The following IGFBP7 variants were observed in gnomAD, a reference collection of about 807,000 sequenced individuals.
The protein encoded by IGFBP7 is insulin like growth factor binding protein 7.
IGFBP7 carries 31 observed loss-of-function variants against 29.4 expected under a neutral mutation model. The ratio of observed to expected loss-of-function variants is 1.05; its 90% CI spans 0.79 to 1.42. The LOEUF (loss-of-function observed/expected upper bound fraction) is 1.42. Ranked by LOEUF, IGFBP7 falls within the 40% of genes most tolerant of loss-of-function variation. The probability of loss-of-function intolerance (pLI) is 0.00; values close to 1 mark genes in which losing one functional copy is unlikely to be tolerated. For synonymous variants in IGFBP7, 172 were observed against 174.9 expected (o/e 0.98, Z 0.13); for missense variants, 393 against 395.5 (o/e 0.99, Z 0.05).
At position 57,032,513 on chromosome 4, in the gene IGFBP7, A is replaced by G; in HGVS notation, c.742T>C (p.Cys248Arg). Residue 248 changes from cysteine (C) to arginine (R), a missense_variant, in exon 4 of 5, where the codon TGC (cysteine) becomes CGC (arginine). Cys to Arg is a radical substitution (Grantham distance 180). Coordinates refer to ENST00000295666, the MANE Select transcript of IGFBP7 (RefSeq NM_001553.3). ...TGTCCTTGGGAATTGGATGCATGGC[A>G]CTCATATTCTCCAGCATCTTCCTTA... The part of the protein sequence containing the change: ...LSKEDAGEYE[C>R]HASNSQGQAS... 6.2e-7 allele frequency: 1 copy of G among 1,613,986 alleles called. No homozygotes were observed. Among genetic ancestry groups the G allele is most frequent in the Non-Finnish European group, 8.5e-7 (1 of 1,179,916 alleles).
chr4:57,061,167 C>A (rs116327463), intron 1 of IGFBP7, among the ~76,000 whole-genome samples: 1 of 152,034 alleles, frequency 6.6e-6, no homozygotes. Flanking sequence ...AACTGTGTGT[C>A]GTTTGCAGGA....
At chr4:57,100,629 T>G (rs531389358) in intron 1 of IGFBP7, among the ~76,000 whole-genome samples, 1 of 152,312 alleles carries the variant, frequency 6.6e-6, no homozygotes, top group East Asian at 1.9e-4. Context: ...TATAACCCCC[T>G]TGCTCATTCA....
chr4:57,055,049 G>A (rs575707113), intron 1 of IGFBP7, among the ~76,000 whole-genome samples: 8 of 152,332 alleles, frequency 5.3e-5, no homozygotes, highest in African/African-American at 1.9e-4. Context: ...GTGCAGTATA[G>A]GGTGACCCTC....
At chr4:57,064,655 C>T (rs1374564817) in intron 1 of IGFBP7, among the ~76,000 whole-genome samples, 6 of 152,128 alleles carry the variant, frequency 3.9e-5, no homozygotes, top group Admixed American at 3.3e-4. Context: ...AAATCCTTCC[C>T]TACTAATATT....
intron 1 of IGFBP7, among the ~76,000 whole-genome samples, chr4:57,062,589 A>G (rs926390005): frequency 1.3e-5 from 2 of 152,166 alleles, no homozygotes. Context: ...AGTCCTACCC[A>G]TATCTTAGAA....
intron 1 of IGFBP7, among the ~76,000 whole-genome samples, chr4:57,067,787 C>G (rs930833179): frequency 2.0e-5 from 3 of 151,748 alleles, no homozygotes; most frequent in African/African-American, 7.3e-5. Flanking sequence ...CAGGACTTCT[C>G]CAATAGACCA....
At chr4:57,082,465 C>T (rs1725391759) in intron 1 of IGFBP7, among the ~76,000 whole-genome samples, 1 of 152,054 alleles carries the variant, frequency 6.6e-6, no homozygotes, top group South Asian at 2.1e-4. Context: ...AATATCACCC[C>T]AGAATCATTC....
At chr4:57,077,437 C>G (rs1175447284) in intron 1 of IGFBP7, among the ~76,000 whole-genome samples, 1 of 152,086 alleles carries the variant, frequency 6.6e-6, no homozygotes, top group Non-Finnish European at 1.5e-5. Flanking sequence ...GCCACCATAC[C>G]CGGCTAATTT....
At chr4:57,100,906 T>C (rs1374999413) in intron 1 of IGFBP7, among the ~76,000 whole-genome samples, 1 of 152,254 alleles carries the variant, frequency 6.6e-6, no homozygotes, top group African/African-American at 2.4e-5. Context: ...GCAGTGTCTT[T>C]ATTTGGAATT....
chr4:57,107,089 T>G (rs546351483), intron 1 of IGFBP7, among the ~76,000 whole-genome samples: 3 of 152,322 alleles, frequency 2.0e-5, no homozygotes, highest in African/African-American at 7.2e-5. Context: ...GGAGGAAGAC[T>G]GGGGCAAGCT....
chr4:57,041,069 A>T (rs549534267), intron 1 of IGFBP7, 136 bp from the exon 2 acceptor site: 75 of 682,926 alleles, frequency 1.1e-4, no homozygotes, highest in Non-Finnish European at 1.9e-4. Flanking sequence ...TTCAAAGACC[A>T]CACTGGCTTC....
chr4:57,105,907 A>ATTTT lies in IGFBP7; in HGVS notation c.475+3966_475+3969dup, dbSNP rs34995246. Among the ~76,000 whole-genome samples the ATTTT allele has an allele frequency of 2.1e-3, 282 of 135,788 alleles. 5 individuals carry two copies. Among genetic ancestry groups the ATTTT allele is most frequent in the East Asian group, 0.013 (60 of 4,638 alleles). The allele number at this position is 135,788 out of a possible 152,430, so 89.1% of individuals were successfully genotyped here. A position where few individuals can be genotyped will look rare whatever the true frequency, so the allele number is the denominator to read the frequency against. ...GGCTAGGTAACAGCCCATTTTTTAA[A>ATTTT]TTTTTTTTTTTTTTTTTGAGATGGA... On this transcript the variant is annotated intron_variant, in intron 1 of 4. Transcript: ENST00000295666.
chr4:57,053,019 CTTTT>C (rs60116761), intron 1 of IGFBP7, among the ~76,000 whole-genome samples: 3 of 141,084 alleles, frequency 2.1e-5, no homozygotes, highest in Non-Finnish European at 3.0e-5. Flanking sequence ...TCTTTTCTAT[CTTTT>C]TTTTTTTTTT....
At chr4:57,079,253 AAAC>A (rs147023762) in intron 1 of IGFBP7, among the ~76,000 whole-genome samples, 17,555 of 152,132 alleles carry the variant, frequency 0.12, 1,222 homozygotes, top group Non-Finnish European at 0.14. Flanking sequence ...TGTTTTAAAA[AAAC>A]AAATTGCAGG....
At chr4:57,067,117 A>C (rs1196454204) in intron 1 of IGFBP7, among the ~76,000 whole-genome samples, 1 of 152,164 alleles carries the variant, frequency 6.6e-6, no homozygotes, top group Non-Finnish European at 1.5e-5. Context: ...GAACATTATG[A>C]GTTGACCCCA....
At chr4:57,063,415 C>T (rs769460371) in intron 1 of IGFBP7, among the ~76,000 whole-genome samples, 13 of 152,208 alleles carry the variant, frequency 8.5e-5, no homozygotes, top group Non-Finnish European at 1.3e-4. Context: ...TGTGTTCCAA[C>T]GCCTGGCGTT....
intron 1 of IGFBP7, among the ~76,000 whole-genome samples, chr4:57,064,107 G>A (rs1426611543): frequency 6.6e-6 from 1 of 152,244 alleles, no homozygotes; most frequent in East Asian, 1.9e-4. Context: ...GGGAGGCCAA[G>A]GTGGGCAGAT....
intron 1 of IGFBP7, among the ~76,000 whole-genome samples, chr4:57,053,295 G>A (rs2109757090): frequency 6.6e-6 from 1 of 152,220 alleles, no homozygotes; most frequent in East Asian, 1.9e-4. Flanking sequence ...GGGATTATAG[G>A]CGTGAGCCAC....
intron 1 of IGFBP7, among the ~76,000 whole-genome samples, chr4:57,060,264 G>A (rs1178481919): frequency 6.6e-6 from 1 of 152,210 alleles, no homozygotes; most frequent in African/African-American, 2.4e-5. Flanking sequence ...GACAGACTGG[G>A]AAAGGAGGGA....
Sources: gnomAD v4.1 joint callset for allele counts (sites outside exome capture counted in the v4.1 genomes callset) on GRCh38, gnomAD v4.1.1 for gene constraint, MANE v1.5 for transcripts, NCBI Gene and HGNC (gene_info 2026-07-23, HGNC 2026-07-21) for gene names.